Variants in CNTN6 observed in about 807,000 individuals in gnomAD.
CNTN6 encodes the protein contactin 6.
CNTN6 carries 137 observed loss-of-function variants against 122.8 expected under a neutral mutation model. That is an observed-to-expected ratio of 1.12 (90% CI 0.97 to 1.29). The LOEUF (loss-of-function observed/expected upper bound fraction) is 1.29. CNTN6 is among the 50% of genes most tolerant of loss of function. The pLI is 0.00. For synonymous variants in CNTN6, 570 were observed against 426.0 expected (o/e 1.34, Z -4.16); for missense variants, 1,634 against 1,223.4 (o/e 1.34, Z -5.01).
chr3:1,127,010 A>G (rs764922179), intron 1 of CNTN6, among the ~76,000 whole-genome samples: 8 of 151,750 alleles, frequency 5.3e-5, no homozygotes, highest in Non-Finnish European at 1.0e-4. Flanking sequence ...ATATACAAAT[A>G]CAATATTATT....
intron 8 of CNTN6, among the ~76,000 whole-genome samples, chr3:1,323,293 C>T (rs1470802666): frequency 6.6e-6 from 1 of 151,720 alleles, no homozygotes; most frequent in Non-Finnish European, 1.5e-5. Context: ...TAGTGATTGT[C>T]AGATTCAAGA....
chr3:1,285,530 A>G (rs1377413020), intron 5 of CNTN6, among the ~76,000 whole-genome samples: 2 of 152,230 alleles, frequency 1.3e-5, no homozygotes, highest in Non-Finnish European at 2.9e-5. Flanking sequence ...ATAATTGGAT[A>G]AGATAATGAA....
chr3:1,188,770 C>T (rs2093661948), intron 2 of CNTN6, among the ~76,000 whole-genome samples: 1 of 152,226 alleles, frequency 6.6e-6, no homozygotes, highest in Non-Finnish European at 1.5e-5. Flanking sequence ...CAGCAGGTTT[C>T]CTCCCAAGCC....
intron 6 of CNTN6, among the ~76,000 whole-genome samples, chr3:1,296,194 C>T (rs1388985380): frequency 6.6e-6 from 1 of 151,962 alleles, no homozygotes; most frequent in Non-Finnish European, 1.5e-5. Context: ...TTTAATGGCC[C>T]CTTTTTTCCA....
chr3:1,270,689 G>A (rs768152563), intron 4 of CNTN6, among the ~76,000 whole-genome samples: 17 of 152,260 alleles, frequency 1.1e-4, no homozygotes, highest in Non-Finnish European at 1.5e-4. Flanking sequence ...TTTGGTTGAC[G>A]GAAACCAGAA....
intron 2 of CNTN6, among the ~76,000 whole-genome samples, chr3:1,184,790 TA>T (rs373077709): frequency 1.3e-5 from 2 of 152,264 alleles, no homozygotes; most frequent in Non-Finnish European, 2.9e-5. Flanking sequence ...GCCCAGGCAT[TA>T]AGTACATATT....
chr3:1,178,636 T>A (rs1219986988), intron 2 of CNTN6, among the ~76,000 whole-genome samples: 1 of 152,210 alleles, frequency 6.6e-6, no homozygotes, highest in East Asian at 1.9e-4. Context: ...GCTTAATAAC[T>A]TTTTGCTGAA....
At chr3:1,151,385 A>G (rs890893670) in intron 2 of CNTN6, among the ~76,000 whole-genome samples, 2 of 152,168 alleles carry the variant, frequency 1.3e-5, no homozygotes, top group Admixed American at 1.3e-4. Context: ...TCATTCCTTT[A>G]TGGTTGCCAG....
At chr3:1,110,321 A>C (rs151253124) in intron 1 of CNTN6, among the ~76,000 whole-genome samples, 12 of 152,088 alleles carry the variant, frequency 7.9e-5, no homozygotes, top group African/African-American at 2.9e-4. Context: ...TCTTTTTTTG[A>C]TTGAAGAAAC....
intron 18 of CNTN6, 55 bp downstream of exon 18, chr3:1,383,231 C>G: frequency 6.3e-7 from 1 of 1,595,348 alleles, no homozygotes; most frequent in Middle Eastern, 1.7e-4. Flanking sequence ...GTTTGTGTTC[C>G]CTTGTTCCAT....
At chr3:1,153,146 A>G (rs911779893) in intron 2 of CNTN6, among the ~76,000 whole-genome samples, 1 of 152,268 alleles carries the variant, frequency 6.6e-6, no homozygotes, top group South Asian at 2.1e-4. Context: ...GAAATTACGG[A>G]CTGAATACCT....
chr3:1,387,896 G>T (rs139026403), intron 20 of CNTN6, among the ~76,000 whole-genome samples: 2 of 152,106 alleles, frequency 1.3e-5, no homozygotes, highest in African/African-American at 4.8e-5. Context: ...TCCTGCACCC[G>T]GCTCGGAGGG....
At chr3:1,099,341 C>CT (rs1275914325) in intron 1 of CNTN6, among the ~76,000 whole-genome samples, 2 of 151,772 alleles carry the variant, frequency 1.3e-5, no homozygotes, top group Non-Finnish European at 2.9e-5. Context: ...GTCCCAGCTA[C>CT]TGGGGAGGCT....
At chr3:1,275,029 A>G (rs1441795112) in intron 4 of CNTN6, among the ~76,000 whole-genome samples, 1 of 152,170 alleles carries the variant, frequency 6.6e-6, no homozygotes, top group Non-Finnish European at 1.5e-5. Context: ...TAACCCAGCA[A>G]AAACTCTGCA....
intron 11 of CNTN6, among the ~76,000 whole-genome samples, chr3:1,338,117 C>T (rs1044799613): frequency 5.3e-5 from 8 of 152,130 alleles, no homozygotes; most frequent in East Asian, 1.9e-4. Flanking sequence ...CCCATGTTTT[C>T]GTGACAGGTA....
At position 1,387,598 on chromosome 3, in the gene CNTN6, G is replaced by C. The variant is rs115483972; in HGVS notation, c.2704+1801G>C. Among the ~76,000 whole-genome samples the C allele has an allele frequency of 1.2e-4, 18 of 152,232 alleles. No individual in the cohort carries two copies. In the South Asian group the frequency reaches 3.7e-3, roughly 32 times the overall value. On this transcript the variant is annotated intron_variant, in intron 20 of 22. Transcript: ENST00000446702. ...AAGATGGCCGAATAGGAACAGCTCC[G>C]GTCTACAGCTCCCAGTGAAGACGCG...
At chr3:1,331,122 C>T (rs1702230149) in intron 11 of CNTN6, among the ~76,000 whole-genome samples, 2 of 151,850 alleles carry the variant, frequency 1.3e-5, no homozygotes, top group Admixed American at 1.3e-4. Context: ...TGTAGAGTCC[C>T]TTTGTGGTTA....
At chr3:1,316,620 A>C (rs1700132809) in intron 7 of CNTN6, among the ~76,000 whole-genome samples, 1 of 151,936 alleles carries the variant, frequency 6.6e-6, no homozygotes, top group African/African-American at 2.4e-5. Flanking sequence ...AACTATGTAA[A>C]GAAGATTCTT....
At chr3:1,301,023 A>ATTTT (rs1697292843) in intron 7 of CNTN6, among the ~76,000 whole-genome samples, 3 of 116,438 alleles carry the variant, frequency 2.6e-5, no homozygotes, top group Non-Finnish European at 3.5e-5. Context: ...GAGTCCCTAA[A>ATTTT]CTTTTTTTTT....
Sources: gnomAD v4.1 joint callset for allele counts (sites outside exome capture counted in the v4.1 genomes callset) on GRCh38, gnomAD v4.1.1 for gene constraint, MANE v1.5 for transcripts, NCBI Gene and HGNC (gene_info 2026-07-23, HGNC 2026-07-21) for gene names.